The following MPRIP variants were observed in gnomAD, a reference collection of about 807,000 sequenced individuals.
The protein encoded by MPRIP is myosin phosphatase Rho-interacting protein.
In MPRIP, 59 loss-of-function variants were observed where a neutral mutation model predicts 234.9. That is an observed-to-expected ratio of 0.25 (90% confidence interval 0.20 to 0.31). MPRIP has a LOEUF of 0.31. MPRIP is among the 10% of genes least tolerant of loss of function. The pLI, the probability that MPRIP is intolerant of heterozygous loss-of-function variation, is 1.00. For missense variants in MPRIP, 2,436 were observed against 3,071.0 expected (o/e 0.79, Z 4.89); for synonymous variants, 1,144 against 1,263.9 (o/e 0.91, Z 2.01).
At chr17:17,169,048 C>T (rs946393930) in intron 16 of MPRIP, 8 of 456,108 alleles carry the variant, frequency 1.8e-5, no homozygotes, top group African/African-American at 1.2e-4. Flanking sequence ...TGGTTGTCAG[C>T]GAGCACCTCA....
At position 17,165,323 on chromosome 17, in the gene MPRIP, C is replaced by A; in HGVS notation, c.3732C>A (p.Leu1244=). The A allele has an allele frequency of 7.7e-7, 1 of 1,304,060 alleles. No homozygotes were observed. The highest frequency in any genetic ancestry group is 1.2e-5 in the South Asian group (1 of 81,030). The allele number at this position is 1,304,060 out of a possible 1,614,324, so 80.8% of individuals were successfully genotyped here. A position where few individuals can be genotyped will look rare whatever the true frequency, so the allele number is the denominator to read the frequency against. ...AGACAGAAAGGGATGGCACTTTGCT[C>A]CCAGGCCAACCAGTCCAAGCCACTA... ...PEETERDGTL[L]PGQPVQATRA... is the part of the protein sequence containing the mutation. Residue 1244 remains leucine, a synonymous_variant, in exon 16 of 24, where the codon CTC becomes CTA. Coordinates refer to ENST00000651222, the MANE Select transcript of MPRIP (RefSeq NM_001364716.4).
chr17:17,077,877 C>A, intron 2 of MPRIP, 134 bp from the exon 3 acceptor site: 1 of 838,148 alleles, frequency 1.2e-6, no homozygotes, highest in South Asian at 1.5e-5. Context: ...CTTTTCCTGC[C>A]ACCTGCCCCA....
chr17:17,181,339 A>G (rs2046371116), intron 23 of MPRIP, among the ~76,000 whole-genome samples: 1 of 152,110 alleles, frequency 6.6e-6, no homozygotes, highest in African/African-American at 2.4e-5. Flanking sequence ...TTCATCCCGG[A>G]ATGAGAACAT....
At chr17:17,135,316 T>A (rs1354626842) in intron 5 of MPRIP, among the ~76,000 whole-genome samples, 1 of 152,118 alleles carries the variant, frequency 6.6e-6, no homozygotes, top group African/African-American at 2.4e-5. Context: ...ATGGAGAGAT[T>A]GGGGATTGAC....
intron 14 of MPRIP, 149 bp downstream of exon 14, chr17:17,159,151 T>TC: frequency 1.3e-6 from 1 of 797,150 alleles, no homozygotes; most frequent in Non-Finnish European, 2.0e-6. Flanking sequence ...CATAGATGAG[T>TC]CCTCATAGTT....
chr17:17,064,090 G>C (rs1421940951), intron 1 of MPRIP, among the ~76,000 whole-genome samples: 1 of 152,188 alleles, frequency 6.6e-6, no homozygotes, highest in Non-Finnish European at 1.5e-5. Context: ...GTGCAGCTCA[G>C]GGCCATGGCA....
chr17:17,087,209 G>A (rs1447978551), intron 3 of MPRIP, among the ~76,000 whole-genome samples: 1 of 152,126 alleles, frequency 6.6e-6, no homozygotes, highest in Non-Finnish European at 1.5e-5. Context: ...CTTCCATTTT[G>A]TAGTGAGGAA....
intron 3 of MPRIP, among the ~76,000 whole-genome samples, chr17:17,094,410 C>G (rs532102377): frequency 1.3e-5 from 2 of 152,238 alleles, no homozygotes; most frequent in Non-Finnish European, 2.9e-5. Flanking sequence ...ATTTTCCTTC[C>G]GAAAACTTTC....
intron 1 of MPRIP, among the ~76,000 whole-genome samples, chr17:17,054,057 C>G (rs375702244): frequency 2.0e-5 from 3 of 152,060 alleles, no homozygotes; most frequent in East Asian, 3.8e-4. Flanking sequence ...TAAAAATTAA[C>G]CAAACTTCTA....
At chr17:17,168,676 G>A (rs2046061385) in intron 16 of MPRIP, 1 of 360,556 alleles carries the variant, frequency 2.8e-6, no homozygotes, top group Admixed American at 3.6e-5. Flanking sequence ...CACCATGTGT[G>A]GCTGTCAAGC....
intron 23 of MPRIP, among the ~76,000 whole-genome samples, chr17:17,184,502 T>C (rs1214015724): frequency 6.6e-6 from 1 of 152,246 alleles, no homozygotes; most frequent in African/African-American, 2.4e-5. Flanking sequence ...CCTTGCTCAT[T>C]GCACTGTTTT....
intron 6 of MPRIP, among the ~76,000 whole-genome samples, chr17:17,136,928 A>G (rs2090713252): frequency 6.6e-6 from 1 of 152,130 alleles, no homozygotes; most frequent in African/African-American, 2.4e-5. Context: ...GTCTTTTAGC[A>G]CTTTGGAATT....
At chr17:17,180,727 G>A (rs2046357034) in intron 23 of MPRIP, 4 of 1,480,576 alleles carry the variant, frequency 2.7e-6, no homozygotes, top group East Asian at 2.3e-5. Flanking sequence ...GCAAACGCCT[G>A]TGTCATGGTT....
chr17:17,072,464 C>T (rs978029118), intron 1 of MPRIP, among the ~76,000 whole-genome samples: 1 of 152,022 alleles, frequency 6.6e-6, no homozygotes, highest in African/African-American at 2.4e-5. Context: ...GGGTGGGGGG[C>T]AAGACATGTC....
intron 1 of MPRIP, among the ~76,000 whole-genome samples, chr17:17,049,924 C>CA (rs1420879211): frequency 6.6e-6 from 1 of 152,224 alleles, no homozygotes; most frequent in Admixed American, 6.5e-5. Context: ...TGCAGTGGCT[C>CA]ACGCCTGTAA....
chr17:17,110,148 G>T lies in MPRIP; in HGVS notation c.268-16554G>T, dbSNP rs559459425. On this transcript the variant is annotated intron_variant, in intron 3 of 23. Coordinates refer to ENST00000651222, the MANE Select transcript of MPRIP (RefSeq NM_001364716.4). ...AGACCTTGTTGTTAAAAAGTGCCTGGCAGCTTCCTTCTCACTCCCGCCCTC... is the reference window on the plus strand; with the variant it reads ...AGACCTTGTTGTTAAAAAGTGCCTGTCAGCTTCCTTCTCACTCCCGCCCTC... Among the ~76,000 whole-genome samples the T allele has an allele frequency of 3.3e-5, 5 of 152,044 alleles. No homozygotes were observed. The East Asian group carries it at 9.7e-4, about 29-fold the overall frequency.
intron 3 of MPRIP, among the ~76,000 whole-genome samples, chr17:17,123,627 C>T (rs2090434194): frequency 6.6e-6 from 1 of 150,862 alleles, no homozygotes; most frequent in Admixed American, 6.6e-5. Flanking sequence ...TCCCTTGAAC[C>T]CAGGGGATGG....
chr17:17,096,804 A>G, intron 3 of MPRIP: 1 of 471,134 alleles, frequency 2.1e-6, no homozygotes, highest in Non-Finnish European at 4.4e-6. Context: ...GCCTGGGGAA[A>G]CCACAAGGGA....
chr17:17,121,708 A>T (rs1466235775), intron 3 of MPRIP, among the ~76,000 whole-genome samples: 1 of 152,196 alleles, frequency 6.6e-6, no homozygotes, highest in Non-Finnish European at 1.5e-5. Context: ...GGTTTGTCAC[A>T]TAGGTAAAGT....
Sources: allele counts gnomAD v4.1 joint callset (sites outside exome capture counted in the v4.1 genomes callset), GRCh38; gene constraint gnomAD v4.1.1; transcripts MANE v1.5; gene names NCBI Gene and HGNC (gene_info 2026-07-23, HGNC 2026-07-21).